Variants in TRERF1 observed in about 807,000 individuals in gnomAD.
TRERF1 encodes transcriptional-regulating factor 1.
Under a neutral mutation model 122.9 loss-of-function variants are expected in TRERF1, and 27 were observed. The ratio of observed to expected loss-of-function variants is 0.22; its 90% CI spans 0.16 to 0.30. TRERF1 has a LOEUF of 0.30. Ranked by LOEUF, TRERF1 falls within the 10% of genes least tolerant of loss-of-function variation. TRERF1 has a pLI of 1.00. For missense variants in TRERF1, 1,248 were observed against 1,560.3 expected (o/e 0.80, Z 3.37); for synonymous variants, 636 against 641.7 (o/e 0.99, Z 0.13).
intron 2 of TRERF1, among the ~76,000 whole-genome samples, chr6:42,375,219 G>T (rs1352343672): frequency 6.6e-6 from 1 of 152,042 alleles, no homozygotes; most frequent in Non-Finnish European, 1.5e-5. Flanking sequence ...CTGGCATATG[G>T]TAGGCACTTC....
chr6:42,359,325 T>A (rs879206975), intron 3 of TRERF1, among the ~76,000 whole-genome samples: 1 of 152,150 alleles, frequency 6.6e-6, no homozygotes. Flanking sequence ...ATCCCAGTGA[T>A]CCGAAAATCC....
chr6:42,332,218 C>T (rs929530277), intron 3 of TRERF1, among the ~76,000 whole-genome samples: 1 of 152,250 alleles, frequency 6.6e-6, no homozygotes, highest in African/African-American at 2.4e-5. Flanking sequence ...GCTGGTATTA[C>T]AGGCGTGTGC....
intron 2 of TRERF1, among the ~76,000 whole-genome samples, chr6:42,395,706 A>AT (rs1488239596): frequency 1.3e-5 from 2 of 151,700 alleles, no homozygotes; most frequent in Non-Finnish European, 2.9e-5. Context: ...TAGTCCATGG[A>AT]TTTTTTTCCA....
Position 42,263,479 on chromosome 6 carries a change from C to T in TRERF1, c.1725G>A (p.Glu575=). The T allele has an allele frequency of 8.2e-6, 13 of 1,589,900 alleles. No individual in the cohort carries two copies. Among genetic ancestry groups the T allele is most frequent in the Non-Finnish European group, 1.1e-5 (13 of 1,165,054 alleles). ...TGACCATAGGCGTGAGGCTTTCTGCCTCGGGAGGGAGCTGTGGTGGCGGCG... is the reference window on the plus strand; with the variant it reads ...TGACCATAGGCGTGAGGCTTTCTGCTTCGGGAGGGAGCTGTGGTGGCGGCG... Residue 575 remains glutamate (E), a synonymous_variant, in exon 8 of 18, where the codon GAG becomes GAA. Coordinates refer to ENST00000372922, the Ensembl canonical transcript of TRERF1. This position sits in a 1 kb window ranked among gnomAD's most constrained non-coding sequence, Gnocchi z 5.6.
rs189095098 is a variant in TRERF1, at chr6:42,262,160, C to G, written c.1884+1160G>C. 8.1e-4 allele frequency among the ~76,000 whole-genome samples: 123 copies of G among 152,264 alleles called. 1 individual carries two copies. The highest frequency in any genetic ancestry group is 2.7e-3 in the African/African-American group (114 of 41,532). On this transcript the variant is annotated intron_variant, in intron 8 of 17. Transcript: ENST00000372922. ...CATCTCTCTGCCTGTTGCTGACCCC[C>G]AAGTCCTGACGGCTTATGAGAATCT...
chr6:42,440,656 A>G (rs993139184), intron 2 of TRERF1, among the ~76,000 whole-genome samples: 9 of 152,184 alleles, frequency 5.9e-5, no homozygotes, highest in Admixed American at 5.9e-4. Context: ...CTGACTCACA[A>G]TATGTTACCA....
chr6:42,403,399 A>T (rs1459047620), intron 2 of TRERF1, among the ~76,000 whole-genome samples: 1 of 152,162 alleles, frequency 6.6e-6, no homozygotes, highest in Non-Finnish European at 1.5e-5. Context: ...CGACACACAC[A>T]TACACACACA....
chr6:42,300,314 T>C (rs952983048), intron 4 of TRERF1, among the ~76,000 whole-genome samples: 6 of 152,166 alleles, frequency 3.9e-5, no homozygotes, highest in Non-Finnish European at 8.8e-5. Context: ...TTCTATCCTG[T>C]CTCAGAGATT....
intron 2 of TRERF1, among the ~76,000 whole-genome samples, chr6:42,413,228 T>C (rs1781369098): frequency 6.6e-6 from 1 of 152,194 alleles, no homozygotes; most frequent in African/African-American, 2.4e-5. Flanking sequence ...TATCATCTTT[T>C]TAACAGTTGG....
intron 4 of TRERF1, among the ~76,000 whole-genome samples, chr6:42,292,103 A>G (rs1784413017): frequency 6.6e-6 from 1 of 152,208 alleles, no homozygotes; most frequent in African/African-American, 2.4e-5. Context: ...AGATTAAACA[A>G]GAGAAGGTAC....
intron 4 of TRERF1, among the ~76,000 whole-genome samples, chr6:42,285,593 C>A (rs1410616048): frequency 6.6e-6 from 1 of 150,486 alleles, no homozygotes; most frequent in Non-Finnish European, 1.5e-5. Context: ...AGTTTTTGCC[C>A]ATTCAGTATG....
chr6:42,290,741 C>CTTTTTTTT (rs144168592), intron 4 of TRERF1, among the ~76,000 whole-genome samples: 10 of 92,408 alleles, frequency 1.1e-4, no homozygotes, highest in East Asian at 6.2e-4. Context: ...CATTTCTTTC[C>CTTTTTTTT]TTTTTTTTTT....
Position 42,228,820 on chromosome 6 carries a change from T to C in TRERF1, c.3279-151A>G. ...CCTCCTTCCCCTGTGACCTGTCACCTCTCTTCCTTCCTCTCCAAGCATTAC... is the reference window on the plus strand; with the variant it reads ...CCTCCTTCCCCTGTGACCTGTCACCCCTCTTCCTTCCTCTCCAAGCATTAC... On this transcript the variant is annotated intron_variant, in intron 17 of 17. Coordinates refer to ENST00000372922, the Ensembl canonical transcript of TRERF1. The surrounding 1 kb of genome is among the most constrained non-coding windows in gnomAD (Gnocchi z 4.2). The C allele has an allele frequency of 1.4e-6, 1 of 726,094 alleles. No individual in the cohort carries two copies. Among genetic ancestry groups the C allele is most frequent in the Non-Finnish European group, 2.3e-6 (1 of 434,838 alleles). The allele number at this position is 726,094 out of a possible 1,614,324, so 45.0% of individuals were successfully genotyped here.
At chr6:42,361,876 G>A (rs1483600115) in intron 3 of TRERF1, among the ~76,000 whole-genome samples, 1 of 152,178 alleles carries the variant, frequency 6.6e-6, no homozygotes, top group African/African-American at 2.4e-5. Flanking sequence ...CCTAATGGGA[G>A]GCACTGGCAT....
rs530586547 is a variant in TRERF1 at position 42,277,291 on chromosome 6, C to T, written c.-258-7443G>A. ...CAACAGCAGGGTTCTGCCTGCTCCA[C>T]CTCCAGGGCCCTGGCTGGGATGACC... On this transcript the variant is annotated intron_variant, in intron 4 of 17. Transcript: ENST00000372922. Among the ~76,000 whole-genome samples, 6 of 152,262 alleles carry T rather than the reference C, an allele frequency of 3.9e-5. No homozygotes were observed. The East Asian group carries it at 1.2e-3, about 29-fold the overall frequency.
intron 2 of TRERF1, among the ~76,000 whole-genome samples, chr6:42,410,042 A>C (rs1780884880): frequency 6.6e-6 from 1 of 152,198 alleles, no homozygotes; most frequent in Non-Finnish European, 1.5e-5. Flanking sequence ...CACCGTGCTG[A>C]ATAATAGGTA....
intron 2 of TRERF1, among the ~76,000 whole-genome samples, chr6:42,419,980 T>C (rs896028565): frequency 6.6e-6 from 1 of 152,208 alleles, no homozygotes; most frequent in Non-Finnish European, 1.5e-5. Context: ...TTCACCTCCA[T>C]TTTGGAATTC....
At chr6:42,287,772 T>C (rs1582828900) in intron 4 of TRERF1, among the ~76,000 whole-genome samples, 1 of 152,244 alleles carries the variant, frequency 6.6e-6, no homozygotes, top group African/African-American at 2.4e-5. Context: ...TCTCATTGCC[T>C]AATCCATGCT....
chr6:42,422,836 C>T (rs941056218), intron 2 of TRERF1, among the ~76,000 whole-genome samples: 4 of 151,122 alleles, frequency 2.6e-5, no homozygotes, highest in African/African-American at 9.7e-5. Flanking sequence ...AGCAGCCTGG[C>T]GTGAGCATCT....
Sources: gnomAD v4.1 joint callset for allele counts (sites outside exome capture counted in the v4.1 genomes callset) on GRCh38, gnomAD v4.1.1 for gene constraint, Gnocchi (gnomAD v3.1) non-coding constraint, MANE v1.5 for transcripts, NCBI Gene and HGNC (gene_info 2026-07-23, HGNC 2026-07-21) for gene names.